The following CCSER1 variants were observed in gnomAD, a reference collection of about 807,000 sequenced individuals.
The protein encoded by CCSER1 is serine-rich coiled-coil domain-containing protein 1.
Under a neutral mutation model 82.0 loss-of-function variants are expected in CCSER1, and 41 were observed. The observed-to-expected ratio is 0.50, with a 90% CI of 0.39 to 0.65. CCSER1 has a LOEUF of 0.65. Ranked by LOEUF, CCSER1 falls within the 30% of genes least tolerant of loss-of-function variation. The pLI is 0.00. For synonymous variants in CCSER1, 414 were observed against 383.9 expected, an observed-to-expected ratio of 1.08 and a Z score of -0.92; for missense variants, 1,119 against 1,064.2, an observed-to-expected ratio of 1.05 and a Z score of -0.72.
chr4:90,359,722 G>A (rs1744953047), intron 3 of CCSER1, among the ~76,000 whole-genome samples: 1 of 151,034 alleles, frequency 6.6e-6, no homozygotes, highest in Non-Finnish European at 1.5e-5. Flanking sequence ...GGGCAACAGA[G>A]CAAGACTCCA....
chr4:91,244,249 T>C (rs945918966), intron 10 of CCSER1, among the ~76,000 whole-genome samples: 2 of 152,196 alleles, frequency 1.3e-5, no homozygotes, highest in Non-Finnish European at 2.9e-5. Context: ...GCCACTGTAG[T>C]CTAGAACATC....
At chr4:91,377,574 T>C (rs1204259999) in intron 10 of CCSER1, among the ~76,000 whole-genome samples, 8 of 152,356 alleles carry the variant, frequency 5.3e-5, no homozygotes, top group South Asian at 2.1e-4. Flanking sequence ...TTCATATCCT[T>C]TGCCCACGTT....
rs114858205 is a variant in CCSER1, at chr4:90,269,367, T to A, written c.-41-38877T>A. On this transcript the variant is annotated intron_variant, in intron 1 of 10. Transcript: ENST00000509176. The stretch of plus-strand genomic sequence containing the variant: ...GATCATGATTGAATAAAACTAGAAA[T>A]AAATAACACAAGAAATTTTGAAAGA... Among the ~76,000 whole-genome samples, 1,401 of 152,100 alleles carry A rather than the reference T, an allele frequency of 9.2e-3. 21 individuals are homozygous for A. The highest frequency in any genetic ancestry group is 0.031 in the African/African-American group (1,308 of 41,536).
intron 8 of CCSER1, among the ~76,000 whole-genome samples, chr4:90,879,542 AAGAAGAAGAAGAGGAAG>A (rs1345195364): frequency 1.0e-4 from 1 of 9,642 alleles, no homozygotes; most frequent in Admixed American, 2.5e-3. Flanking sequence ...AAGAAGAAGA[AAGAAGAAGAAGAGGAAG>A]AAGAAGAAGA....
rs1748267513 is a variant in CCSER1 at position 91,349,001 on chromosome 4, C to T, written c.2218-249571C>T. On this transcript the variant is annotated intron_variant, in intron 10 of 10. Transcript: ENST00000509176. ...TCGACTCACTGCAAGCTCCGCCTCC[C>T]GGGTTCACGCCATTCTTCTGCCTCA... Among the ~76,000 whole-genome samples the T allele has an allele frequency of 2.0e-5, 3 of 152,000 alleles. No homozygotes were observed. In the South Asian group the frequency reaches 6.2e-4, roughly 32 times the overall value.
At chr4:91,091,673 G>T (rs536803333) in intron 10 of CCSER1, among the ~76,000 whole-genome samples, 1 of 152,264 alleles carries the variant, frequency 6.6e-6, no homozygotes, top group East Asian at 1.9e-4. Context: ...GGCTTGGTTT[G>T]GCCTCCCAGG....
At position 90,402,937 on chromosome 4, in the gene CCSER1, T is replaced by A. The variant is rs147166856; in HGVS notation, c.1603+2808T>A. Among the ~76,000 whole-genome samples, 504 of 152,328 alleles carry A rather than the reference T, an allele frequency of 3.3e-3. 1 individual carries two copies. The highest frequency in any genetic ancestry group is 0.011 in the African/African-American group (476 of 41,594). The stretch of plus-strand genomic sequence containing the variant: ...AAACCAGGGTACCTGATGAATCAAC[T>A]GAGTCATATAAATTGTTCACAAGAT... On this transcript the variant is annotated intron_variant, in intron 4 of 10. Transcript: ENST00000509176.
At chr4:90,803,783 C>T (rs1561165015) in intron 7 of CCSER1, among the ~76,000 whole-genome samples, 2 of 152,134 alleles carry the variant, frequency 1.3e-5, no homozygotes, top group Non-Finnish European at 2.9e-5. Context: ...TGAGGAATCA[C>T]CACACTGTCT....
At chr4:91,041,322 A>G (rs181502460) in intron 9 of CCSER1, among the ~76,000 whole-genome samples, 310 of 152,274 alleles carry the variant, frequency 2.0e-3, no homozygotes, top group Non-Finnish European at 3.2e-3. Flanking sequence ...CACATTATCC[A>G]TTTTGGTCAG....
chr4:90,528,865 G>A lies in CCSER1; in HGVS notation c.1724+60511G>A, dbSNP rs1420858579. 3.3e-5 allele frequency among the ~76,000 whole-genome samples: 5 copies of A among 152,130 alleles called. No homozygotes were observed. In the East Asian group the frequency reaches 9.6e-4, roughly 29 times the overall value. Reference sequence around the variant, plus strand: ...TATATGTTATCATCATTTTCAACCAGTTTCCATTGTTGATTGAATCATGCC... The same window carrying A: ...TATATGTTATCATCATTTTCAACCAATTTCCATTGTTGATTGAATCATGCC... On this transcript the variant is annotated intron_variant, in intron 5 of 10. Coordinates refer to ENST00000509176, the MANE Select transcript of CCSER1 (RefSeq NM_001145065.2).
chr4:91,027,196 C>T (rs1740560247), intron 9 of CCSER1, among the ~76,000 whole-genome samples: 1 of 151,860 alleles, frequency 6.6e-6, no homozygotes, highest in African/African-American at 2.4e-5. Context: ...ATAACTATGT[C>T]CCATAGAAGA....
intron 1 of CCSER1, chr4:90,235,236 C>G (rs1745559123): frequency 6.6e-6 from 1 of 152,430 alleles, no homozygotes; most frequent in African/African-American, 2.4e-5. Flanking sequence ...CAGGGTGATT[C>G]CATAGACAAG....
chr4:90,944,471 G>T (rs1228140040), intron 9 of CCSER1, among the ~76,000 whole-genome samples: 2 of 152,116 alleles, frequency 1.3e-5, no homozygotes, highest in Admixed American at 1.3e-4. Flanking sequence ...CAGGTCTGGG[G>T]TGTGGAAGGC....
intron 4 of CCSER1, among the ~76,000 whole-genome samples, chr4:90,410,913 A>G (rs1754668928): frequency 6.6e-6 from 1 of 152,238 alleles, no homozygotes; most frequent in Admixed American, 6.5e-5. Flanking sequence ...GAAGAATCAA[A>G]TAGACACAAT....
chr4:90,230,860 C>T (rs1368096012), intron 1 of CCSER1, among the ~76,000 whole-genome samples: 3 of 152,040 alleles, frequency 2.0e-5, no homozygotes, highest in African/African-American at 4.8e-5. Context: ...GCAAATAAAC[C>T]AGAAAATCTA....
intron 1 of CCSER1, among the ~76,000 whole-genome samples, chr4:90,170,368 T>G (rs1731400402): frequency 6.6e-6 from 1 of 151,950 alleles, no homozygotes; most frequent in Non-Finnish European, 1.5e-5. Flanking sequence ...GAAATATCTT[T>G]TAATTCTCGA....
chr4:91,448,017 A>G (rs563488044), intron 10 of CCSER1, among the ~76,000 whole-genome samples: 2 of 152,272 alleles, frequency 1.3e-5, no homozygotes, highest in South Asian at 4.1e-4. Flanking sequence ...AGAGTTGAGT[A>G]ATGTAATTTA....
chr4:90,802,646 T>C (rs934261775), intron 7 of CCSER1, among the ~76,000 whole-genome samples: 8 of 152,160 alleles, frequency 5.3e-5, no homozygotes, highest in Admixed American at 4.6e-4. Flanking sequence ...ATTGTGGTTT[T>C]CTTAACCTTG....
chr4:91,275,455 C>T (rs1742359331), intron 10 of CCSER1, among the ~76,000 whole-genome samples: 1 of 152,078 alleles, frequency 6.6e-6, no homozygotes, highest in African/African-American at 2.4e-5. Flanking sequence ...ACCTGTTGGC[C>T]ATTTTTATGT....
Sources: allele counts gnomAD v4.1 joint callset (sites outside exome capture counted in the v4.1 genomes callset), GRCh38; gene constraint gnomAD v4.1.1; transcripts MANE v1.5; gene names NCBI Gene and HGNC (gene_info 2026-07-23, HGNC 2026-07-21).